The following PLEKHH1 variants were observed in gnomAD, a reference collection of about 807,000 sequenced individuals.
PLEKHH1 encodes the protein pleckstrin homology, MyTH4 and FERM domain containing H1.
Under a neutral mutation model 160.0 loss-of-function variants are expected in PLEKHH1, and 104 were observed. That is an observed-to-expected ratio of 0.65 (90% CI 0.55 to 0.76). The LOEUF is 0.76. PLEKHH1 is among the 30% of genes least tolerant of loss of function. The pLI is 0.00. For missense variants in PLEKHH1, 1,427 were observed against 1,724.1 expected, an observed-to-expected ratio of 0.83 and a Z score of 3.05; for synonymous variants, 619 against 678.4, an observed-to-expected ratio of 0.91 and a Z score of 1.36.
At position 67,575,459 on chromosome 14, in the gene PLEKHH1, G is replaced by C. The variant is rs772572154; in HGVS notation, c.2156G>C (p.Ser719Thr). The C allele has an allele frequency of 4.4e-6, 7 of 1,603,078 alleles. No individual in the cohort carries two copies. The South Asian group carries it at 7.9e-5, about 18-fold the overall frequency. The change falls in exon 15 of 29, where the codon AGC becomes ACC. Residue 719 changes from serine to threonine, a missense_variant. This residue lies in a region of PLEKHH1 where 831 missense variants were observed against 929.2 expected (regional missense o/e 0.89). Coordinates refer to ENST00000329153, the MANE Select transcript of PLEKHH1 (RefSeq NM_020715.3). ...GGGAAAATCTTCTACTACTATCGGA[G>C]CCATGAGGACAAGGTACTTCTCAGC... ...LVGKIFYYYRSHEDKRPLGCL... is the reference protein window; with the variant it reads ...LVGKIFYYYRTHEDKRPLGCL...
At chr14:67,543,124 GTT>G (rs1277564546) in intron 2 of PLEKHH1, among the ~76,000 whole-genome samples, 4 of 152,170 alleles carry the variant, frequency 2.6e-5, no homozygotes, top group Non-Finnish European at 5.9e-5. Flanking sequence ...GTATAGTTTT[GTT>G]TATAGTATCC....
At chr14:67,579,391 C>CTTGGCAGATTGTTCACTG (rs2035784731) in intron 21 of PLEKHH1, 80 bp downstream of exon 21, 1 of 1,160,284 alleles carries the variant, frequency 8.6e-7, no homozygotes, top group East Asian at 2.7e-5. Context: ...TAGGCTCAGG[C>CTTGGCAGATTGTTCACTG]TTGGCAGATT....
At chr14:67,559,119 C>T (rs4902484) in intron 4 of PLEKHH1, among the ~76,000 whole-genome samples, 94,127 of 152,170 alleles carry the variant, frequency 0.62, 29,327 homozygotes, top group Non-Finnish European at 0.65. Flanking sequence ...TGCTCCTCTT[C>T]AGATGCCAAC....
Position 67,557,272 on chromosome 14 carries a change from G to C in PLEKHH1, c.193G>C (p.Gly65Arg), listed in dbSNP as rs149253165. ...QRAENAETQVGVMEEKVKLSN... is the reference protein window; with the variant it reads ...QRAENAETQVRVMEEKVKLSN... ...ATGAGATCATTGTACTTTTCAGGTG[G>C]GTGTCATGGAAGAGAAGGTAAAACT... The change falls in exon 4 of 29, where the codon GGT becomes CGT. Residue 65 changes from glycine to arginine, a missense_variant. Coordinates refer to ENST00000329153, the MANE Select transcript of PLEKHH1 (RefSeq NM_020715.3). The C allele has an allele frequency of 1.5e-3, 2,397 of 1,613,444 alleles. 44 individuals carry two copies. The African/African-American group carries it at 0.026, about 18-fold the overall frequency.
chr14:67,581,944 A>T, intron 23 of PLEKHH1, 125 bp from the exon 24 acceptor site: 2 of 909,064 alleles, frequency 2.2e-6, no homozygotes, highest in Non-Finnish European at 1.7e-6. Context: ...AATACAAAAT[A>T]GGCTCATAAA....
intron 2 of PLEKHH1, 39 bp downstream of exon 2, chr14:67,542,032 A>C: frequency 6.4e-7 from 1 of 1,559,460 alleles, no homozygotes; most frequent in Non-Finnish European, 8.7e-7. Flanking sequence ...CTCCACACGC[A>C]GAGGTTTATG....
In PLEKHH1 at chr14:67,562,424, C is replaced by T; in HGVS notation, c.793C>T (p.Pro265Ser). The change falls in exon 7 of 29, where the codon CCC becomes TCC. Residue 265 changes from proline (P) to serine (S), a missense_variant. By Grantham distance (74) the Pro-to-Ser change is moderately conservative. Coordinates refer to ENST00000329153, the MANE Select transcript of PLEKHH1 (RefSeq NM_020715.3). ...LQPHLGRESP[P>S]HQPCMKLLTF... ...ACCTCATCTGGGAAGAGAGAGCCCT[C>T]CCCACCAGCCATGCATGAAGCTTCT... The T allele has an allele frequency of 1.2e-6, 2 of 1,613,760 alleles. No homozygotes were observed. The highest frequency in any genetic ancestry group is 1.7e-6 in the Non-Finnish European group (2 of 1,179,678).
At chr14:67,538,559 G>A (rs1007126060) in intron 1 of PLEKHH1, among the ~76,000 whole-genome samples, 5 of 152,206 alleles carry the variant, frequency 3.3e-5, no homozygotes, top group African/African-American at 1.2e-4. Context: ...CAGCTTACTG[G>A]TATCTTCCTT....
At chr14:67,575,689 A>G (rs930278878) in intron 15 of PLEKHH1, 134 bp from the exon 16 acceptor site, 9 of 751,808 alleles carry the variant, frequency 1.2e-5, no homozygotes, top group Admixed American at 2.3e-5. Flanking sequence ...CTGGGATGCT[A>G]TAGTCTCCAC....
At chr14:67,544,319 T>C (rs2140337706) in intron 2 of PLEKHH1, among the ~76,000 whole-genome samples, 1 of 152,324 alleles carries the variant, frequency 6.6e-6, no homozygotes, top group East Asian at 1.9e-4. Context: ...ATACTACCTG[T>C]GTGGTTTAGG....
intron 2 of PLEKHH1, among the ~76,000 whole-genome samples, chr14:67,544,463 A>G (rs913674950): frequency 4.6e-5 from 7 of 152,192 alleles, no homozygotes; most frequent in African/African-American, 1.2e-4. Flanking sequence ...GAAGAGGAAT[A>G]TATAATCAAA....
chr14:67,574,373 C>G lies in PLEKHH1; in HGVS notation c.2058C>G (p.Thr686=), dbSNP rs1376435051. ...TGPPALLRGG[T]KPTVKGWLTK... is the part of the protein sequence containing the mutation. ...CTCCAGCTCTGCTTCGGGGTGGCAC[C>G]AAGCCCACCGTGAAGGGCTGGCTGA... Residue 686 remains threonine (T), a synonymous_variant, in exon 14 of 29, where the codon ACC becomes ACG. Transcript: ENST00000329153. The surrounding 1 kb of genome is among the most constrained non-coding windows in gnomAD (Gnocchi z 4.2). The G allele has an allele frequency of 1.3e-6, 2 of 1,588,814 alleles. No individual in the cohort carries two copies. The highest frequency in any genetic ancestry group is 2.7e-5 in the African/African-American group (2 of 74,334).
At chr14:67,549,699 G>C (rs1202403827) in intron 2 of PLEKHH1, among the ~76,000 whole-genome samples, 1 of 152,172 alleles carries the variant, frequency 6.6e-6, no homozygotes, top group African/African-American at 2.4e-5. Flanking sequence ...GGTGCTGATG[G>C]GGCTACGGCT....
At chr14:67,581,116 C>A in intron 23 of PLEKHH1, 78 bp downstream of exon 23, 1 of 873,030 alleles carries the variant, frequency 1.1e-6, no homozygotes. Flanking sequence ...CTCGACTAGA[C>A]AGCCTATCCA....
Position 67,562,052 on chromosome 14 carries a change from G to A in PLEKHH1, c.505+17G>A, listed in dbSNP as rs1486064316. The A allele has an allele frequency of 6.2e-7, 1 of 1,611,446 alleles. No individual in the cohort carries two copies. Among genetic ancestry groups the A allele is most frequent in the South Asian group, 1.1e-5 (1 of 91,022 alleles). Reference sequence around the variant, plus strand: ...CGCTAGAAGGTAGGCAGGCCAGGGTGTGCAGGTGTGCAGTACGTGTGTTTG... The same window carrying A: ...CGCTAGAAGGTAGGCAGGCCAGGGTATGCAGGTGTGCAGTACGTGTGTTTG... On this transcript the variant is annotated intron_variant, in intron 6 of 28. Transcript: ENST00000329153.
rs946819409 is a variant in PLEKHH1, at chr14:67,576,235, T to C, written c.2353-160T>C. ...TCGCAAATTTGGAAAGTTGGGTTCA[T>C]GTTCACCTGATCCTCAGTCTTTCCA... On this transcript the variant is annotated intron_variant, in intron 16 of 28. Coordinates refer to ENST00000329153, the MANE Select transcript of PLEKHH1 (RefSeq NM_020715.3). The surrounding 1 kb of genome is among the most constrained non-coding windows in gnomAD (Gnocchi z 4.0). 2.6e-5 allele frequency among the ~76,000 whole-genome samples: 4 copies of C among 152,256 alleles called. No individual in the cohort carries two copies. Among genetic ancestry groups the C allele is most frequent in the African/African-American group, 9.6e-5 (4 of 41,472 alleles).
At chr14:67,552,746 G>A (rs750650258) in intron 2 of PLEKHH1, among the ~76,000 whole-genome samples, 9 of 145,932 alleles carry the variant, frequency 6.2e-5, no homozygotes, top group East Asian at 4.1e-4. Context: ...CAGCCTGGGC[G>A]ACAGAGCAAG....
chr14:67,562,081 G>C (rs2034863085), intron 6 of PLEKHH1, 46 bp downstream of exon 6: 1 of 1,604,992 alleles, frequency 6.2e-7, no homozygotes, highest in South Asian at 1.1e-5. Flanking sequence ...GTGTTTGGTG[G>C]GTATGGGGCT....
chr14:67,562,740 C>T lies in PLEKHH1; in HGVS notation c.1109C>T (p.Ser370Phe). The T allele has an allele frequency of 6.2e-7, 1 of 1,613,722 alleles. No homozygotes were observed. The highest frequency in any genetic ancestry group is 8.5e-7 in the Non-Finnish European group (1 of 1,179,820). The part of the protein sequence containing the change: ...GLPELESRAR[S>F]REEPEKMEME... ...CCTGAGCTGGAGTCCCGAGCTAGGT[C>T]CCGGGAGGAACCAGAGAAGATGGAG... The change falls in exon 7 of 29, where the codon TCC becomes TTC. Residue 370 changes from serine to phenylalanine, a missense_variant. Around this residue, in one of 6 missense-constraint regions of PLEKHH1, gnomAD observed 831 missense variants for 929.2 expected, o/e 0.89. Coordinates refer to ENST00000329153, the MANE Select transcript of PLEKHH1 (RefSeq NM_020715.3).
Sources: gnomAD v4.1 joint callset for allele counts (sites outside exome capture counted in the v4.1 genomes callset) on GRCh38, gnomAD v4.1.1 for gene constraint, gnomAD v4.1.1 regional missense constraint, Gnocchi (gnomAD v3.1) non-coding constraint, MANE v1.5 for transcripts, NCBI Gene and HGNC (gene_info 2026-07-23, HGNC 2026-07-21) for gene names.